Variants in DPP10 observed in about 807,000 individuals in gnomAD.
The protein encoded by DPP10 is inactive dipeptidyl peptidase 10.
A neutral mutation model predicts 120.9 loss-of-function variants in DPP10; 33 were observed. The observed-to-expected ratio is 0.27, with a 90% CI of 0.21 to 0.37. The LOEUF (loss-of-function observed/expected upper bound fraction) is 0.37. Among genes scored for constraint, DPP10 ranks in the 10% least tolerant of loss-of-function variants. The pLI, the probability that DPP10 is intolerant of heterozygous loss-of-function variation, is 1.00. For synonymous variants in DPP10, 337 were observed against 326.1 expected (o/e 1.03, Z -0.36); for missense variants, 816 against 942.8 (o/e 0.87, Z 1.76).
intron 1 of DPP10, among the ~76,000 whole-genome samples, chr2:114,892,598 G>A (rs1692630345): frequency 6.6e-6 from 1 of 152,206 alleles, no homozygotes; most frequent in South Asian, 2.1e-4. Context: ...AGGACAGACC[G>A]CTGAGCCCCG....
chr2:115,633,853 C>G (rs761110849), intron 5 of DPP10, among the ~76,000 whole-genome samples: 1 of 152,094 alleles, frequency 6.6e-6, no homozygotes, highest in Non-Finnish European at 1.5e-5. Flanking sequence ...AAAAAGTTCT[C>G]CTGGATGATA....
At chr2:115,449,274 T>C (rs752316868) in intron 3 of DPP10, among the ~76,000 whole-genome samples, 1 of 152,114 alleles carries the variant, frequency 6.6e-6, no homozygotes, top group Non-Finnish European at 1.5e-5. Flanking sequence ...ATCTGGCCAG[T>C]TGACCATGTT....
intron 5 of DPP10, among the ~76,000 whole-genome samples, chr2:115,593,959 A>C (rs2082836293): frequency 6.6e-6 from 1 of 152,218 alleles, no homozygotes; most frequent in Non-Finnish European, 1.5e-5. Context: ...CTCTGCCTGC[A>C]GATACCTATT....
chr2:114,873,380 T>C (rs147815850), intron 1 of DPP10, among the ~76,000 whole-genome samples: 19 of 152,300 alleles, frequency 1.2e-4, no homozygotes, highest in Admixed American at 1.2e-3. Flanking sequence ...CTACCCATGT[T>C]GACAACAGGT....
At chr2:115,218,042 A>G (rs1449862901) in intron 1 of DPP10, among the ~76,000 whole-genome samples, 1 of 152,150 alleles carries the variant, frequency 6.6e-6, no homozygotes, top group Non-Finnish European at 1.5e-5. Context: ...GCATGGTTTC[A>G]GTGTCTCAAT....
chr2:115,752,947 G>A (rs2149749956), intron 10 of DPP10, among the ~76,000 whole-genome samples: 1 of 151,928 alleles, frequency 6.6e-6, no homozygotes, highest in Non-Finnish European at 1.5e-5. Flanking sequence ...GTATACATAT[G>A]TATACATCCA....
rs1234855371 is a variant in DPP10 at position 115,583,433 on chromosome 2, A to G, written c.441+57461A>G. Among the ~76,000 whole-genome samples the G allele has an allele frequency of 1.2e-4, 19 of 152,198 alleles. 1 individual carries two copies. Among genetic ancestry groups the G allele is most frequent in the Admixed American group, 6.5e-5 (1 of 15,286 alleles). On this transcript the variant is annotated intron_variant, in intron 5 of 25. Transcript: ENST00000410059. ...CAAACGTGCTGGTCTGGAAAGCCCA[A>G]GAAGGCCTCTTGGTGCCTTGGAAAG... is the stretch of plus-strand genomic sequence containing the variant.
chr2:115,749,889 A>G, intron 10 of DPP10: 1 of 647,054 alleles, frequency 1.5e-6, no homozygotes, highest in Non-Finnish European at 1.9e-6. Flanking sequence ...ATTCCACATA[A>G]CCTTGTGTAC....
intron 12 of DPP10, among the ~76,000 whole-genome samples, chr2:115,767,449 ATC>A (rs1182311167): frequency 1.1e-4 from 16 of 144,296 alleles, no homozygotes; most frequent in Non-Finnish European, 2.0e-4. Flanking sequence ...AAAGAGCAGT[ATC>A]TCTCTCTCTC....
In DPP10 at chr2:115,794,095, GC is replaced by G. The variant is rs539577055; in HGVS notation, c.1700+2740del. ...AGTAATAATAATTATTATTTTTTTC[GC>G]AAATGAGCAATTAGACAGTGATAAA... On this transcript the variant is annotated intron_variant, in intron 19 of 25. Transcript: ENST00000410059. Among the ~76,000 whole-genome samples the G allele has an allele frequency of 2.9e-3, 445 of 151,658 alleles. 3 individuals are homozygous for G. The highest frequency in any genetic ancestry group is 0.01 in the African/African-American group (426 of 41,390).
In DPP10 at chr2:114,793,215, G is replaced by A. The variant is rs141942328; in HGVS notation, c.60+350377G>A. ...CAGAACGTGAAGCCTTGTCACATAG[G>A]TACACACGTGCCATGGTGGTTCACT... On this transcript the variant is annotated intron_variant, in intron 1 of 25. Coordinates refer to ENST00000410059, the MANE Select transcript of DPP10 (RefSeq NM_020868.6). Among the ~76,000 whole-genome samples the A allele has an allele frequency of 3.8e-3, 585 of 152,078 alleles. 1 individual carries two copies. Among genetic ancestry groups the A allele is most frequent in the Non-Finnish European group, 6.3e-3 (425 of 67,996 alleles).
At chr2:114,700,848 T>G (rs1267753676) in intron 1 of DPP10, among the ~76,000 whole-genome samples, 1 of 152,098 alleles carries the variant, frequency 6.6e-6, no homozygotes, top group African/African-American at 2.4e-5. Flanking sequence ...CTAATGAGAC[T>G]GTGAGGAATT....
chr2:114,999,883 A>T (rs1449918796), intron 1 of DPP10, among the ~76,000 whole-genome samples: 1 of 152,216 alleles, frequency 6.6e-6, no homozygotes, highest in Non-Finnish European at 1.5e-5. Flanking sequence ...GCCAGAAAAA[A>T]AGAATCATCA....
chr2:114,584,545 C>G (rs961184365), intron 1 of DPP10, among the ~76,000 whole-genome samples: 3 of 106,052 alleles, frequency 2.8e-5, no homozygotes, highest in Admixed American at 1.2e-4. Flanking sequence ...TCCCTCCCCC[C>G]TCCCCCCACC....
At chr2:114,998,735 C>G (rs1293423474) in intron 1 of DPP10, among the ~76,000 whole-genome samples, 1 of 152,174 alleles carries the variant, frequency 6.6e-6, no homozygotes, top group African/African-American at 2.4e-5. Flanking sequence ...ATTTCCACAT[C>G]TAGGTCTGGA....
intron 5 of DPP10, among the ~76,000 whole-genome samples, chr2:115,583,621 G>C (rs979785319): frequency 7.2e-5 from 11 of 152,170 alleles, no homozygotes; most frequent in African/African-American, 2.7e-4. Context: ...CGTTTTCCAA[G>C]AGACAGGAAA....
At chr2:114,663,654 T>TAGAGAG (rs1262689550) in intron 1 of DPP10, among the ~76,000 whole-genome samples, 3 of 95,186 alleles carry the variant, frequency 3.2e-5, no homozygotes, top group South Asian at 3.1e-4. Context: ...TATATATATA[T>TAGAGAG]ATATATATAT....
intron 1 of DPP10, among the ~76,000 whole-genome samples, chr2:115,305,968 A>C (rs991418167): frequency 7.9e-5 from 12 of 152,160 alleles, no homozygotes; most frequent in Middle Eastern, 3.4e-3. Context: ...AGAACATTCC[A>C]AACAGTTCAC....
chr2:114,512,929 A>G (rs1439351704), intron 1 of DPP10, among the ~76,000 whole-genome samples: 1 of 152,160 alleles, frequency 6.6e-6, no homozygotes, highest in Non-Finnish European at 1.5e-5. Flanking sequence ...AAATTATGTA[A>G]AATGCAGATC....
Sources: allele counts gnomAD v4.1 joint callset (sites outside exome capture counted in the v4.1 genomes callset), GRCh38; gene constraint gnomAD v4.1.1; transcripts MANE v1.5; gene names NCBI Gene and HGNC (gene_info 2026-07-23, HGNC 2026-07-21).